NAALADL2: variants seen among roughly 807,000 people sequenced by gnomAD.
The protein encoded by NAALADL2 is inactive N-acetylated-alpha-linked acidic dipeptidase-like protein 2.
NAALADL2 carries 76 observed loss-of-function variants against 87.2 expected under a neutral mutation model. The ratio of observed to expected loss-of-function variants is 0.87; its 90% confidence interval spans 0.72 to 1.05. The LOEUF is 1.05. NAALADL2 is among the 50% of genes least tolerant of loss of function. The probability of loss-of-function intolerance (pLI) is 0.00; values close to 1 mark genes in which losing one functional copy is unlikely to be tolerated. For missense variants in NAALADL2, 1,089 were observed against 945.8 expected, an observed-to-expected ratio of 1.15 and a Z score of -1.99; for synonymous variants, 354 against 331.0, an observed-to-expected ratio of 1.07 and a Z score of -0.75.
chr3:174,944,471 T>C (rs908786532), intron 1 of NAALADL2, among the ~76,000 whole-genome samples: 1 of 152,134 alleles, frequency 6.6e-6, no homozygotes, highest in African/African-American at 2.4e-5. Flanking sequence ...ACAATGCTGC[T>C]ACCAGTGGCT....
intron 2 of NAALADL2, among the ~76,000 whole-genome samples, chr3:175,189,345 C>T (rs1737803388): frequency 6.6e-6 from 1 of 152,092 alleles, no homozygotes; most frequent in African/African-American, 2.4e-5. Flanking sequence ...AAATATTGTA[C>T]AAAGAAACTT....
chr3:174,592,661 AGTT>A (rs1167357747), intron 2 of NAALADL2, among the ~76,000 whole-genome samples: 6 of 152,136 alleles, frequency 3.9e-5, no homozygotes, highest in African/African-American at 1.4e-4. Context: ...AGAACTGCAA[AGTT>A]GTTGTCTAAT....
chr3:175,258,510 T>C (rs997077996), intron 4 of NAALADL2, among the ~76,000 whole-genome samples: 3 of 152,034 alleles, frequency 2.0e-5, no homozygotes, highest in Admixed American at 2.0e-4. Flanking sequence ...GATTCCATGA[T>C]AAAGAAACGT....
chr3:174,754,624 C>T (rs954721224), intron 3 of NAALADL2, among the ~76,000 whole-genome samples: 1 of 151,948 alleles, frequency 6.6e-6, no homozygotes, highest in Non-Finnish European at 1.5e-5. Context: ...AAGGAATAAA[C>T]CACTGGATCC....
intron 12 of NAALADL2, among the ~76,000 whole-genome samples, chr3:175,752,012 C>T (rs536028416): frequency 6.6e-6 from 1 of 151,926 alleles, no homozygotes; most frequent in African/African-American, 2.4e-5. Flanking sequence ...TTTGTTGATG[C>T]TCATTATGCA....
chr3:175,206,399 T>G (rs1740927938), intron 2 of NAALADL2, among the ~76,000 whole-genome samples: 2 of 151,040 alleles, frequency 1.3e-5, no homozygotes, highest in Admixed American at 6.6e-5. Flanking sequence ...ATGAATGAAT[T>G]AACAGCATTT....
In NAALADL2 at chr3:175,808,232, T is replaced by C. The variant is rs1314192310; in HGVS notation, c.*5029T>C. 1.3e-5 allele frequency: 2 copies of C among 151,974 alleles called. No homozygotes were observed. Among genetic ancestry groups the C allele is most frequent in the African/African-American group, 4.8e-5 (2 of 41,430 alleles). The allele number at this position is 151,974 out of a possible 1,614,324, so 9.4% of individuals were successfully genotyped here. On this transcript the variant is annotated 3_prime_UTR_variant, in exon 14 of 14. Transcript: ENST00000454872. ...ATTTCTTAAGCCATTTATAATCTCATATTCGGGTTGAATCTGAATTTACAA... is the reference window on the plus strand; with the variant it reads ...ATTTCTTAAGCCATTTATAATCTCACATTCGGGTTGAATCTGAATTTACAA...
chr3:175,125,058 A>G (rs1325209404), intron 2 of NAALADL2, among the ~76,000 whole-genome samples: 1 of 152,008 alleles, frequency 6.6e-6, no homozygotes, highest in Non-Finnish European at 1.5e-5. Flanking sequence ...CTCTATGGTG[A>G]TGGAAGTGTT....
At position 175,011,282 on chromosome 3, in the gene NAALADL2, G is replaced by GAC. The variant is rs1749776620; in HGVS notation, c.44-85507_44-85506insCA. Among the ~76,000 whole-genome samples the GAC allele has an allele frequency of 1.8e-3, 85 of 46,660 alleles. 1 individual carries two copies. The highest frequency in any genetic ancestry group is 3.4e-3 in the African/African-American group (75 of 22,170). 30.6% of individuals were successfully genotyped at this position (46,660 alleles called of 152,430 possible). A position where few individuals can be genotyped will look rare whatever the true frequency, so the allele number is the denominator to read the frequency against. ...AGAGAGGGAGAGAGACAGAGAGACA[G>GAC]AGAGAGAGAGAGAGAGAGAGAGAGA... On this transcript the variant is annotated intron_variant, in intron 1 of 13. Transcript: ENST00000454872.
chr3:175,320,207 T>C (rs1280221412), intron 4 of NAALADL2, among the ~76,000 whole-genome samples: 2 of 152,158 alleles, frequency 1.3e-5, no homozygotes, highest in Non-Finnish European at 2.9e-5. Context: ...CATACTAAGA[T>C]GACTAAAATG....
intron 9 of NAALADL2, among the ~76,000 whole-genome samples, chr3:175,472,410 C>T (rs1725041508): frequency 1.3e-5 from 2 of 152,108 alleles, no homozygotes; most frequent in Non-Finnish European, 2.9e-5. Context: ...TTTATTTCTG[C>T]ATTCTTATTA....
chr3:174,888,012 G>T (rs1285509577), intron 1 of NAALADL2, among the ~76,000 whole-genome samples: 2 of 152,132 alleles, frequency 1.3e-5, no homozygotes, highest in East Asian at 3.9e-4. Flanking sequence ...TATAAGGAAA[G>T]CTGATCGCTT....
intron 1 of NAALADL2, among the ~76,000 whole-genome samples, chr3:174,892,394 T>A (rs1333487875): frequency 6.6e-6 from 1 of 152,018 alleles, no homozygotes; most frequent in East Asian, 1.9e-4. Context: ...TTAAAAAGAA[T>A]GAAGCAGCAA....
chr3:174,688,640 G>C (rs1339768407), intron 2 of NAALADL2, among the ~76,000 whole-genome samples: 4 of 152,006 alleles, frequency 2.6e-5, no homozygotes, highest in Non-Finnish European at 5.9e-5. Flanking sequence ...TGAAGAGACA[G>C]TTTACCTTTC....
chr3:175,065,219 AC>A (rs1194067844), intron 1 of NAALADL2, among the ~76,000 whole-genome samples: 9 of 152,070 alleles, frequency 5.9e-5, no homozygotes, highest in African/African-American at 1.9e-4. Flanking sequence ...TGCTTGATGG[AC>A]CCACATTTAG....
intron 11 of NAALADL2, among the ~76,000 whole-genome samples, chr3:175,711,398 C>T (rs1168779649): frequency 1.3e-5 from 2 of 151,702 alleles, no homozygotes; most frequent in African/African-American, 4.8e-5. Context: ...TAAAATTCTG[C>T]AATGTGGTTT....
rs530351344 is a variant in NAALADL2, at chr3:175,642,372, A to T, written c.1896+14986A>T. On this transcript the variant is annotated intron_variant, in intron 11 of 13. Coordinates refer to ENST00000454872, the MANE Select transcript of NAALADL2 (RefSeq NM_207015.3). The stretch of plus-strand genomic sequence containing the variant: ...TCTTGATTACTCAAGATGTTCATGC[A>T]AGAAGAAATAACGGAGATTGACCAC... Among the ~76,000 whole-genome samples the T allele has an allele frequency of 2.6e-5, 4 of 152,340 alleles. No homozygotes were observed. In the South Asian group the frequency reaches 6.2e-4, roughly 24 times the overall value.
At chr3:175,416,163 A>G (rs1714601588) in intron 5 of NAALADL2, among the ~76,000 whole-genome samples, 1 of 152,056 alleles carries the variant, frequency 6.6e-6, no homozygotes. Context: ...TCAGAAATAT[A>G]TTTCACAGAA....
At chr3:175,275,440 T>C (rs901193313) in intron 4 of NAALADL2, among the ~76,000 whole-genome samples, 2 of 149,772 alleles carry the variant, frequency 1.3e-5, no homozygotes, top group Non-Finnish European at 3.0e-5. Context: ...GGCCTTTTCA[T>C]TTATACACAT....
Sources: allele counts gnomAD v4.1 joint callset (sites outside exome capture counted in the v4.1 genomes callset), GRCh38; gene constraint gnomAD v4.1.1; transcripts MANE v1.5; gene names NCBI Gene and HGNC (gene_info 2026-07-23, HGNC 2026-07-21).